Variants in TTC3 observed in about 807,000 individuals in gnomAD.
The protein encoded by TTC3 is E3 ubiquitin-protein ligase TTC3.
In TTC3, 180 loss-of-function variants were observed where a neutral mutation model predicts 249.6. That is an observed-to-expected ratio of 0.72 (90% CI 0.64 to 0.82). The LOEUF (loss-of-function observed/expected upper bound fraction) is 0.82. Among genes scored for constraint, TTC3 ranks in the 40% least tolerant of loss-of-function variants. TTC3 has a pLI of 0.00. For missense variants in TTC3, 2,061 were observed against 2,398.4 expected (o/e 0.86, Z 2.94); for synonymous variants, 717 against 805.0 (o/e 0.89, Z 1.85).
chr21:37,137,293 A>G (rs1026843998), intron 18 of TTC3, among the ~76,000 whole-genome samples: 9 of 152,216 alleles, frequency 5.9e-5, no homozygotes, highest in Non-Finnish European at 1.2e-4. Context: ...TTGGATCTGG[A>G]CAAAGTAAAT....
At chr21:37,126,275 A>G in intron 15 of TTC3, 132 bp downstream of exon 15, 1 of 585,092 alleles carries the variant, frequency 1.7e-6, no homozygotes, top group Non-Finnish European at 2.8e-6. Context: ...TTCTATGTTA[A>G]GAAAATATTG....
chr21:37,141,060 G>C (rs1425422214), intron 20 of TTC3, among the ~76,000 whole-genome samples: 1 of 152,020 alleles, frequency 6.6e-6, no homozygotes, highest in Non-Finnish European at 1.5e-5. Flanking sequence ...TAAATAAGAG[G>C]TATATATGTG....
In TTC3 at chr21:37,161,541, G is replaced by A. The variant is rs565093333; in HGVS notation, c.3097-449G>A. 2.5e-3 allele frequency among the ~76,000 whole-genome samples: 245 copies of A among 98,576 alleles called. 2 individuals are homozygous for A. The highest frequency in any genetic ancestry group is 2.4e-3 in the Non-Finnish European group (120 of 49,840). The allele number at this position is 98,576 out of a possible 152,430, so 64.7% of individuals were successfully genotyped here. A position where few individuals can be genotyped will look rare whatever the true frequency, so the allele number is the denominator to read the frequency against. ...ATCTGCCTACTTTGGCCTTACAGGCGTGAGCCACTGTGCCAGAAGTAGGGC... is the reference window on the plus strand; with the variant it reads ...ATCTGCCTACTTTGGCCTTACAGGCATGAGCCACTGTGCCAGAAGTAGGGC... On this transcript the variant is annotated intron_variant, in intron 30 of 45. Transcript: ENST00000355666.
At chr21:37,122,419 A>ATAT (rs1555879495) in intron 12 of TTC3, among the ~76,000 whole-genome samples, 2 of 38,030 alleles carry the variant, frequency 5.3e-5, no homozygotes, top group African/African-American at 1.4e-4. Context: ...ATATATATAT[A>ATAT]ATATATATAT....
intron 6 of TTC3, among the ~76,000 whole-genome samples, chr21:37,090,952 C>G (rs1324908936): frequency 6.6e-6 from 1 of 151,278 alleles, no homozygotes; most frequent in East Asian, 1.9e-4. Flanking sequence ...ATCTGAGAAC[C>G]CTCATCCACC....
At chr21:37,115,885 TTC>T (rs1428871573) in intron 11 of TTC3, among the ~76,000 whole-genome samples, 11 of 152,248 alleles carry the variant, frequency 7.2e-5, no homozygotes. Flanking sequence ...GAAAGGACTC[TTC>T]TCAGTGAAAC....
chr21:37,123,274 G>A (rs962227340), intron 13 of TTC3, among the ~76,000 whole-genome samples: 1 of 152,130 alleles, frequency 6.6e-6, no homozygotes, highest in South Asian at 2.1e-4. Flanking sequence ...GGGAAAAGAG[G>A]GGTGAAATGT....
At chr21:37,159,265 C>T (rs1258166972) in intron 28 of TTC3, among the ~76,000 whole-genome samples, 1 of 151,868 alleles carries the variant, frequency 6.6e-6, no homozygotes, top group Non-Finnish European at 1.5e-5. Flanking sequence ...CTTCTTTGCC[C>T]CTCCTGTGGG....
At chr21:37,098,711 A>G (rs775086901) in intron 10 of TTC3, 1 of 152,114 alleles carries the variant, frequency 6.6e-6, no homozygotes, top group Non-Finnish European at 1.5e-5. Context: ...TTTGCTCAGT[A>G]ATGTAGGGAT....
chr21:37,161,876 A>C, intron 30 of TTC3, 114 bp from the exon 31 acceptor site: 1 of 631,624 alleles, frequency 1.6e-6, no homozygotes, highest in Non-Finnish European at 2.5e-6. Context: ...TAGATCTTAT[A>C]TATCAGCAAT....
At chr21:37,088,046 C>T in intron 3 of TTC3, 150 bp from the exon 4 acceptor site, 1 of 941,624 alleles carries the variant, frequency 1.1e-6, no homozygotes, top group Non-Finnish European at 1.5e-6. Flanking sequence ...TTTGCCAGCA[C>T]TTAAATATTC....
chr21:37,122,421 T>TA (rs1555879502), intron 12 of TTC3, among the ~76,000 whole-genome samples: 2 of 36,560 alleles, frequency 5.5e-5, no homozygotes, highest in African/African-American at 8.7e-5. Flanking sequence ...ATATATATAA[T>TA]ATATATATAT....
intron 27 of TTC3, among the ~76,000 whole-genome samples, chr21:37,156,204 CTCTT>C (rs1179603678): frequency 3.8e-5 from 3 of 78,556 alleles, no homozygotes; most frequent in African/African-American, 9.0e-5. Context: ...GCCTGGCTAA[CTCTT>C]TTTTTTTTTG....
At chr21:37,087,850 T>G in exon 3 of TTC3, 3 of 1,597,364 alleles carry the variant, frequency 1.9e-6, no homozygotes, top group Non-Finnish European at 1.7e-6. Flanking sequence ...AATATAAAGA[T>G]TATATCCAAA....
intron 20 of TTC3, among the ~76,000 whole-genome samples, chr21:37,143,789 C>T (rs1224061709): frequency 1.5e-5 from 2 of 134,892 alleles, no homozygotes; most frequent in African/African-American, 5.9e-5. Flanking sequence ...AAGACACATG[C>T]ACACATATGT....
chr21:37,073,772 G>T (rs547530185), intron 1 of TTC3, among the ~76,000 whole-genome samples: 1 of 152,146 alleles, frequency 6.6e-6, no homozygotes, highest in African/African-American at 2.4e-5. Context: ...CGGTGTCCGC[G>T]CTCCCTGGCG....
intron 27 of TTC3, 28 bp downstream of exon 27, chr21:37,153,305 A>C (rs762918061): frequency 1.3e-6 from 2 of 1,567,854 alleles, no homozygotes; most frequent in East Asian, 2.2e-5. Flanking sequence ...CCAGAGCAAT[A>C]AACTTTAATA....
intron 26 of TTC3, among the ~76,000 whole-genome samples, chr21:37,152,569 G>A (rs569772653): frequency 6.6e-5 from 10 of 152,056 alleles, no homozygotes; most frequent in African/African-American, 1.4e-4. Context: ...TGTATTTTTA[G>A]TAGAGATGGG....
At chr21:37,127,629 C>T (rs2077137865) in intron 15 of TTC3, among the ~76,000 whole-genome samples, 1 of 152,186 alleles carries the variant, frequency 6.6e-6, no homozygotes, top group East Asian at 1.9e-4. Context: ...GGTGGTGTTC[C>T]TCCCAGGATT....
Sources: gnomAD v4.1 joint callset for allele counts (sites outside exome capture counted in the v4.1 genomes callset) on GRCh38, gnomAD v4.1.1 for gene constraint, MANE v1.5 for transcripts, NCBI Gene and HGNC (gene_info 2026-07-23, HGNC 2026-07-21) for gene names.